GALNT14: variants seen among roughly 807,000 people sequenced by gnomAD.
GALNT14 encodes the protein polypeptide N-acetylgalactosaminyltransferase 14.
Under a neutral mutation model 77.5 loss-of-function variants are expected in GALNT14, and 60 were observed. That is an observed-to-expected ratio of 0.77 (90% CI 0.63 to 0.96). GALNT14 has a LOEUF of 0.96. Ranked by LOEUF, GALNT14 falls within the 40% of genes least tolerant of loss-of-function variation. The pLI is 0.00. For missense variants in GALNT14, 710 were observed against 731.0 expected, an observed-to-expected ratio of 0.97 and a Z score of 0.33; for synonymous variants, 280 against 281.7, an observed-to-expected ratio of 0.99 and a Z score of 0.06.
rs772355639 is a variant in GALNT14, at chr2:30,942,311, AT to A, written c.828-8del. 5 of 1,609,556 alleles carry A rather than the reference AT, an allele frequency of 3.1e-6. No individual in the cohort carries two copies. In the East Asian group the frequency reaches 8.9e-5, roughly 29 times the overall value. ...TCCAGCTATGATAGGAGTCCTGTGC[AT>A]TTGGAAGAAAAAGAGAGGGGATCAG... is the stretch of plus-strand genomic sequence containing the variant. On this transcript the variant is annotated splice_polypyrimidine_tract_variant and splice_region_variant and intron_variant, in intron 8 of 14. Transcript: ENST00000349752.
At chr2:30,925,121 G>T (rs1250738179) in intron 11 of GALNT14, among the ~76,000 whole-genome samples, 1 of 152,204 alleles carries the variant, frequency 6.6e-6, no homozygotes, top group African/African-American at 2.4e-5. Context: ...AAACAAAGCT[G>T]CAAGAACATT....
At chr2:31,064,930 A>T (rs1367052593) in intron 1 of GALNT14, among the ~76,000 whole-genome samples, 1 of 143,322 alleles carries the variant, frequency 7.0e-6, no homozygotes, top group African/African-American at 2.6e-5. Context: ...TGGTAAAAAA[A>T]ACTCTTCGCA....
chr2:31,035,618 TACACACACACACACAC>T (rs530565205), intron 1 of GALNT14, among the ~76,000 whole-genome samples: 25 of 51,230 alleles, frequency 4.9e-4, no homozygotes, highest in Admixed American at 1.9e-3. Flanking sequence ...CACACACACC[TACACACACACACACAC>T]ACACACACAC....
At chr2:30,905,350 AC>A in the GALNT14 span, among the ~76,000 whole-genome samples, 1 of 151,576 alleles carries the variant, frequency 6.6e-6, no homozygotes, top group Non-Finnish European at 1.5e-5. Context: ...AATAACCAAT[AC>A]AGAGAAGTGC....
At chr2:30,963,452 T>A (rs549311189) in intron 3 of GALNT14, among the ~76,000 whole-genome samples, 40 of 152,314 alleles carry the variant, frequency 2.6e-4, no homozygotes, top group African/African-American at 8.7e-4. Context: ...GTATCATTAA[T>A]ACCACATAGA....
the GALNT14 span, among the ~76,000 whole-genome samples, chr2:30,889,133 C>A: frequency 6.6e-5 from 10 of 152,210 alleles, no homozygotes; most frequent in Admixed American, 3.3e-4. Context: ...GGGAGGTTAG[C>A]CACCCGGATT....
intron 1 of GALNT14, among the ~76,000 whole-genome samples, chr2:31,074,501 T>C (rs1387158586): frequency 6.6e-6 from 1 of 152,114 alleles, no homozygotes; most frequent in African/African-American, 2.4e-5. Context: ...CGGGTTGATC[T>C]GGGCTGGGCT....
chr2:30,925,411 A>G (rs550109898), intron 11 of GALNT14, among the ~76,000 whole-genome samples: 1 of 152,330 alleles, frequency 6.6e-6, no homozygotes, highest in East Asian at 1.9e-4. Context: ...ACATAGGATG[A>G]GCAGGAGGGA....
intron 1 of GALNT14, among the ~76,000 whole-genome samples, chr2:31,000,743 T>C (rs1037681483): frequency 2.0e-5 from 3 of 152,290 alleles, no homozygotes; most frequent in South Asian, 2.1e-4. Context: ...TCTGCCAATG[T>C]AAATGTTAGT....
chr2:31,098,649 G>A (rs907097095), intron 1 of GALNT14, among the ~76,000 whole-genome samples: 15 of 152,080 alleles, frequency 9.9e-5, no homozygotes, highest in Non-Finnish European at 2.2e-4. Context: ...GTGGGGGTTA[G>A]GGGAATCAAT....
intron 1 of GALNT14, among the ~76,000 whole-genome samples, chr2:31,012,542 G>A (rs147013331): frequency 2.2e-3 from 334 of 152,278 alleles, no homozygotes; most frequent in African/African-American, 7.6e-3. Flanking sequence ...TCAGGCTACA[G>A]ACAAGGGGAC....
At chr2:30,955,839 C>G (rs1667332280) in intron 5 of GALNT14, 73 bp downstream of exon 5, 1 of 1,586,736 alleles carries the variant, frequency 6.3e-7, no homozygotes, top group African/African-American at 1.3e-5. Context: ...ATCACCCCAA[C>G]ACACACACAC....
Position 30,945,827 on chromosome 2 carries a change from A to G in GALNT14, c.698T>C (p.Leu233Pro). 1 of 1,614,198 alleles carries G rather than the reference A, an allele frequency of 6.2e-7. No individual in the cohort carries two copies. The highest frequency in any genetic ancestry group is 8.5e-7 in the Non-Finnish European group (1 of 1,180,030). ...AGACTCGATGTAGGTGAAGGTGTCC[A>G]GGTTAATGATATCGATCACAGGGCA... The part of the protein sequence containing the change: ...VVCPVIDIIN[L>P]DTFTYIESAS... The change falls in exon 7 of 15, where the codon CTG becomes CCG. Residue 233 changes from leucine to proline, a missense_variant. Physicochemically the swap from Leu to Pro is moderately conservative, Grantham distance 98. Coordinates refer to ENST00000349752, the MANE Select transcript of GALNT14 (RefSeq NM_024572.4).
At chr2:30,956,329 A>G (rs532064194) in intron 4 of GALNT14, among the ~76,000 whole-genome samples, 18 of 152,266 alleles carry the variant, frequency 1.2e-4, no homozygotes, top group African/African-American at 3.6e-4. Context: ...TTCTCTTTAA[A>G]CAATTTTTAA....
At chr2:30,914,734 G>A (rs1664571336) in intron 13 of GALNT14, among the ~76,000 whole-genome samples, 1 of 152,206 alleles carries the variant, frequency 6.6e-6, no homozygotes, top group Non-Finnish European at 1.5e-5. Flanking sequence ...CTGGGGATGT[G>A]TACTAGAGAC....
rs1369489104 is a variant in GALNT14, at chr2:31,022,837, A to T, written c.130-29830T>A. Among the ~76,000 whole-genome samples the T allele has an allele frequency of 3.3e-5, 5 of 152,366 alleles. No individual in the cohort carries two copies. The East Asian group carries it at 9.6e-4, about 29-fold the overall frequency. On this transcript the variant is annotated intron_variant, in intron 1 of 14. Coordinates refer to ENST00000349752, the MANE Select transcript of GALNT14 (RefSeq NM_024572.4). ...TCTCTGTAGATTTTCTAATGCCAAA[A>T]TTCTGGATAAGTTCATGGGAGCTTA... is the stretch of plus-strand genomic sequence containing the variant.
chr2:30,996,174 C>T lies in GALNT14; in HGVS notation c.130-3167G>A, dbSNP rs374416736. Among the ~76,000 whole-genome samples the T allele has an allele frequency of 2.2e-4, 33 of 152,294 alleles. No individual in the cohort carries two copies. The East Asian group carries it at 6.0e-3, about 28-fold the overall frequency. ...ACATTTGACCAAATGCCTGGGCACC[C>T]TGTGGCCCAGTCAAATTGACAAATA... On this transcript the variant is annotated intron_variant, in intron 1 of 14. Transcript: ENST00000349752.
At position 31,100,892 on chromosome 2, in the gene GALNT14, C is replaced by CA. The variant is rs536706031; in HGVS notation, c.129+37065dup. On this transcript the variant is annotated intron_variant, in intron 1 of 14. Transcript: ENST00000349752. ...ACACTTACATTAGCGTATGATTAGGCAAAATCATCTAACACAAACCCTATT... is the reference window on the plus strand; with the variant it reads ...ACACTTACATTAGCGTATGATTAGGCAAAAATCATCTAACACAAACCCTATT... Among the ~76,000 whole-genome samples, 227 of 152,128 alleles carry CA rather than the reference C, an allele frequency of 1.5e-3. 1 individual carries two copies. Among genetic ancestry groups the CA allele is most frequent in the African/African-American group, 5.1e-3 (211 of 41,514 alleles).
At chr2:30,887,926 T>G in the GALNT14 span, among the ~76,000 whole-genome samples, 1 of 152,210 alleles carries the variant, frequency 6.6e-6, no homozygotes, top group Admixed American at 6.5e-5. Flanking sequence ...TGACTCCTGC[T>G]CCCATGCCTA....
Sources: gnomAD v4.1 joint callset for allele counts (sites outside exome capture counted in the v4.1 genomes callset) on GRCh38, gnomAD v4.1.1 for gene constraint, MANE v1.5 for transcripts, NCBI Gene and HGNC (gene_info 2026-07-23, HGNC 2026-07-21) for gene names.